The following SPAG16 variants were observed in gnomAD, a reference collection of about 807,000 sequenced individuals.
SPAG16 encodes sperm associated antigen 16.
A neutral mutation model predicts 80.4 loss-of-function variants in SPAG16; 86 were observed. The observed-to-expected ratio is 1.07, with a 90% CI of 0.90 to 1.28. The LOEUF is 1.28. SPAG16 is among the 50% of genes most tolerant of loss of function. The pLI is 0.00. For missense variants in SPAG16, 870 were observed against 765.3 expected (o/e 1.14, Z -1.61); for synonymous variants, 294 against 265.9 (o/e 1.11, Z -1.03).
chr2:214,012,003 AG>A (rs1054123367), intron 12 of SPAG16, among the ~76,000 whole-genome samples: 7 of 151,876 alleles, frequency 4.6e-5, no homozygotes, highest in African/African-American at 1.7e-4. Context: ...AGGATCACCG[AG>A]TGCATCAGGT....
At chr2:213,393,963 A>C (rs11693179) in intron 9 of SPAG16, among the ~76,000 whole-genome samples, 33,451 of 152,056 alleles carry the variant, frequency 0.22, 4,525 homozygotes, top group Non-Finnish European at 0.31. Flanking sequence ...TGAAATGTAT[A>C]ATTGACATTA....
At position 213,911,835 on chromosome 2, in the gene SPAG16, CAA is replaced by C. The variant is rs10644766; in HGVS notation, c.1215-18109_1215-18108del. On this transcript the variant is annotated intron_variant, in intron 11 of 15. Coordinates refer to ENST00000331683, the MANE Select transcript of SPAG16 (RefSeq NM_024532.5). ...GGTTTGAAAAATGAGAAACAGTTAG[CAA>C]AAAAAAAAAAAAAAATACACACACG... Among the ~76,000 whole-genome samples, 619 of 126,108 alleles carry C rather than the reference CAA, an allele frequency of 4.9e-3. 4 individuals carry two copies. The highest frequency in any genetic ancestry group is 0.016 in the African/African-American group (516 of 32,590). 82.7% of individuals were successfully genotyped at this position (126,108 alleles called of 152,430 possible).
At chr2:213,907,343 T>G (rs1308282528) in intron 11 of SPAG16, among the ~76,000 whole-genome samples, 1 of 152,140 alleles carries the variant, frequency 6.6e-6, no homozygotes, top group Admixed American at 6.5e-5. Context: ...TGTCTCACCC[T>G]AGTTAGAATG....
At chr2:213,823,479 G>A (rs1215251224) in intron 10 of SPAG16, among the ~76,000 whole-genome samples, 1 of 152,118 alleles carries the variant, frequency 6.6e-6, no homozygotes, top group African/African-American at 2.4e-5. Flanking sequence ...TCCTGCCTCA[G>A]CCTCCTGAGT....
At chr2:213,752,815 A>C (rs760276848) in intron 10 of SPAG16, among the ~76,000 whole-genome samples, 4 of 152,180 alleles carry the variant, frequency 2.6e-5, no homozygotes, top group Non-Finnish European at 5.9e-5. Flanking sequence ...AAGACTATCA[A>C]TTTGTTGACT....
chr2:213,912,708 C>T (rs2077729714), intron 11 of SPAG16, among the ~76,000 whole-genome samples: 1 of 152,146 alleles, frequency 6.6e-6, no homozygotes, highest in Non-Finnish European at 1.5e-5. Flanking sequence ...TGCCTTCAGA[C>T]TCAGCCCCAG....
intron 10 of SPAG16, among the ~76,000 whole-genome samples, chr2:213,579,649 C>T (rs2060238068): frequency 1.3e-5 from 2 of 152,126 alleles, no homozygotes; most frequent in East Asian, 3.9e-4. Context: ...TATGATTTAT[C>T]TTTAGTGTTC....
chr2:214,033,385 A>G (rs760954649), intron 13 of SPAG16, among the ~76,000 whole-genome samples: 6 of 152,226 alleles, frequency 3.9e-5, no homozygotes, highest in Admixed American at 1.3e-4. Flanking sequence ...AGTTAGATGC[A>G]GAGAAGTGGC....
At chr2:213,723,222 C>A (rs1005239978) in intron 10 of SPAG16, among the ~76,000 whole-genome samples, 2 of 152,104 alleles carry the variant, frequency 1.3e-5, no homozygotes, top group Non-Finnish European at 2.9e-5. Context: ...CTTTATCATC[C>A]AGTAAGTAGC....
At chr2:213,863,910 CT>C (rs2075583200) in intron 11 of SPAG16, among the ~76,000 whole-genome samples, 1 of 152,080 alleles carries the variant, frequency 6.6e-6, no homozygotes, top group Admixed American at 6.5e-5. Flanking sequence ...ACATTTAGCA[CT>C]TTCTTACGGC....
chr2:213,588,538 C>T (rs2060550212), intron 10 of SPAG16, among the ~76,000 whole-genome samples: 1 of 149,384 alleles, frequency 6.7e-6, no homozygotes, highest in South Asian at 2.1e-4. Flanking sequence ...CGCGGTGGCT[C>T]ACGCCTGTAA....
At chr2:213,648,460 A>G (rs1360285379) in intron 10 of SPAG16, among the ~76,000 whole-genome samples, 1 of 152,210 alleles carries the variant, frequency 6.6e-6, no homozygotes, top group Non-Finnish European at 1.5e-5. Flanking sequence ...GCTATAGACC[A>G]CCTGCAGCTT....
At chr2:213,970,078 G>A (rs1447782656) in intron 12 of SPAG16, among the ~76,000 whole-genome samples, 2 of 152,098 alleles carry the variant, frequency 1.3e-5, no homozygotes, top group Admixed American at 6.5e-5. Flanking sequence ...CATGGCAGAA[G>A]GAGCAAAAAT....
chr2:213,579,537 A>C (rs1180770091), intron 10 of SPAG16, among the ~76,000 whole-genome samples: 1 of 152,148 alleles, frequency 6.6e-6, no homozygotes, highest in Non-Finnish European at 1.5e-5. Flanking sequence ...TTGATATTTT[A>C]TGCTGGCAAA....
chr2:213,637,165 G>C (rs7589993), intron 10 of SPAG16, among the ~76,000 whole-genome samples: 9,304 of 152,134 alleles, frequency 0.061, 923 homozygotes, highest in African/African-American at 0.21. Context: ...AATCATAAAG[G>C]CATGCTGGAT....
chr2:213,923,883 A>C, intron 11 of SPAG16: 1 of 152,484 alleles, frequency 6.6e-6, no homozygotes, highest in East Asian at 1.9e-4. Context: ...CTGGCTGTCC[A>C]TGGCAAAAGT....
rs112201437 is a variant in SPAG16, at chr2:213,858,918, C to A, written c.1071-3567C>A. Among the ~76,000 whole-genome samples the A allele has an allele frequency of 2.6e-5, 4 of 151,950 alleles. 1 individual carries two copies. Among genetic ancestry groups the A allele is most frequent in the African/African-American group, 9.6e-5 (4 of 41,458 alleles). On this transcript the variant is annotated intron_variant, in intron 10 of 15. Coordinates refer to ENST00000331683, the MANE Select transcript of SPAG16 (RefSeq NM_024532.5). ...AAAGTCCGCCAGGTGCAGTGGCTCA[C>A]GCCTGTAATCCCAGCACTTTGGGAG...
At chr2:213,449,353 G>C (rs2071546904) in intron 9 of SPAG16, among the ~76,000 whole-genome samples, 1 of 152,170 alleles carries the variant, frequency 6.6e-6, no homozygotes, top group African/African-American at 2.4e-5. Flanking sequence ...TCCCTCAGAA[G>C]CATGTGATCT....
intron 12 of SPAG16, among the ~76,000 whole-genome samples, chr2:213,945,325 G>C (rs1292755138): frequency 6.9e-6 from 1 of 145,438 alleles, no homozygotes; most frequent in Non-Finnish European, 1.5e-5. Context: ...GTGTGTGTTT[G>C]TGTATATATA....
Sources: allele counts gnomAD v4.1 joint callset (sites outside exome capture counted in the v4.1 genomes callset), GRCh38; gene constraint gnomAD v4.1.1; transcripts MANE v1.5; gene names NCBI Gene and HGNC (gene_info 2026-07-23, HGNC 2026-07-21).